The following OXR1 variants were observed in gnomAD, a reference collection of about 807,000 sequenced individuals.
OXR1 encodes the protein oxidation resistance 1.
OXR1 carries 41 observed loss-of-function variants against 104.6 expected under a neutral mutation model. That is an observed-to-expected ratio of 0.39 (90% CI 0.31 to 0.51). OXR1 has a LOEUF of 0.51. OXR1 is among the 20% of genes least tolerant of loss of function. OXR1 has a pLI of 0.77. For missense variants in OXR1, 955 were observed against 1,031.9 expected (o/e 0.93, Z 1.02); for synonymous variants, 348 against 348.4 (o/e 1.00, Z 0.01).
intron 12 of OXR1, 53 bp from the exon 13 acceptor site, chr8:106,739,405 T>C (rs1394268341): frequency 1.3e-6 from 2 of 1,520,312 alleles, no homozygotes; most frequent in Non-Finnish European, 1.8e-6. Context: ...CTGACAATTT[T>C]GAAAGCATGT....
chr8:106,338,644 G>T (rs1448532620), intron 1 of OXR1, among the ~76,000 whole-genome samples: 1 of 150,788 alleles, frequency 6.6e-6, no homozygotes, highest in Non-Finnish European at 1.5e-5. Flanking sequence ...CCACTGTTCT[G>T]CTATAGCCCA....
intron 7 of OXR1, among the ~76,000 whole-genome samples, chr8:106,694,794 A>C: frequency 8.9e-6 from 1 of 112,594 alleles, no homozygotes; most frequent in Admixed American, 1.0e-4. Context: ...TATTTAATAG[A>C]TAAATACATA....
At chr8:106,381,406 T>G (rs1817143840) in intron 2 of OXR1, among the ~76,000 whole-genome samples, 1 of 152,072 alleles carries the variant, frequency 6.6e-6, no homozygotes, top group Non-Finnish European at 1.5e-5. Context: ...TTGAAAGATT[T>G]GAGCATGTTT....
chr8:106,309,521 A>G (rs1226901643), intron 1 of OXR1, among the ~76,000 whole-genome samples: 4 of 152,102 alleles, frequency 2.6e-5, no homozygotes, highest in Non-Finnish European at 4.4e-5. Flanking sequence ...TAGCTTTCAT[A>G]TGAGTATTTG....
chr8:106,599,905 T>G (rs950877008), intron 3 of OXR1, among the ~76,000 whole-genome samples: 1 of 152,130 alleles, frequency 6.6e-6, no homozygotes, highest in African/African-American at 2.4e-5. Context: ...GGCATTAGAT[T>G]CTTATAAGAA....
At chr8:106,460,257 A>G (rs781192494) in intron 2 of OXR1, among the ~76,000 whole-genome samples, 10 of 152,192 alleles carry the variant, frequency 6.6e-5, no homozygotes, top group Non-Finnish European at 1.5e-4. Context: ...ATCTGTAAAG[A>G]CTTACATTAC....
At chr8:106,302,564 C>T (rs1189624361) in intron 1 of OXR1, among the ~76,000 whole-genome samples, 11 of 135,246 alleles carry the variant, frequency 8.1e-5, no homozygotes, top group Admixed American at 1.5e-4. Flanking sequence ...CCAGCCTGGG[C>T]GACAGAGCAA....
At position 106,643,085 on chromosome 8, in the gene OXR1, A is replaced by G. The variant is rs367575483; in HGVS notation, c.221-36125A>G. 3.9e-5 allele frequency among the ~76,000 whole-genome samples: 6 copies of G among 152,290 alleles called. No homozygotes were observed. The South Asian group carries it at 6.2e-4, about 16-fold the overall frequency. ...ATATTTTTATGAACAACCTTAACAG[A>G]GGCAAATTTATGGTTGACTCAGTAA... On this transcript the variant is annotated intron_variant, in intron 3 of 16. Transcript: ENST00000517566.
chr8:106,611,034 T>C (rs1468451010), intron 3 of OXR1, among the ~76,000 whole-genome samples: 1 of 152,160 alleles, frequency 6.6e-6, no homozygotes. Context: ...ACTTAGATTC[T>C]AATAGAGGTG....
chr8:106,746,761 G>A (rs1177341754), intron 16 of OXR1, among the ~76,000 whole-genome samples: 4 of 152,126 alleles, frequency 2.6e-5, no homozygotes, highest in East Asian at 3.9e-4. Flanking sequence ...GTTGAACTCA[G>A]CATGTATTTA....
At chr8:106,692,689 TCTG>T (rs775510292) in intron 6 of OXR1, 36 bp from the exon 7 acceptor site, 2 of 1,345,176 alleles carry the variant, frequency 1.5e-6, no homozygotes, top group Non-Finnish European at 2.0e-6. Context: ...TATTTTGTTT[TCTG>T]CTTTTTTTTT....
chr8:106,632,741 G>T (rs1160618913), intron 3 of OXR1, among the ~76,000 whole-genome samples: 1 of 152,080 alleles, frequency 6.6e-6, no homozygotes, highest in Non-Finnish European at 1.5e-5. Context: ...GCATATTCCA[G>T]CATGGGCAAC....
At chr8:106,449,103 A>G (rs183472555) in intron 2 of OXR1, among the ~76,000 whole-genome samples, 2 of 152,240 alleles carry the variant, frequency 1.3e-5, no homozygotes, top group East Asian at 3.9e-4. Flanking sequence ...CCAGAAAACA[A>G]CAATTATCTG....
intron 2 of OXR1, among the ~76,000 whole-genome samples, chr8:106,504,314 CTAAT>C (rs1812011687): frequency 6.6e-6 from 1 of 152,184 alleles, no homozygotes; most frequent in African/African-American, 2.4e-5. Context: ...AACTATAGTG[CTAAT>C]ATCAAGTTTG....
chr8:106,272,855 T>C (rs1811874617), intron 1 of OXR1: 1 of 152,200 alleles, frequency 6.6e-6, no homozygotes, highest in African/African-American at 2.4e-5. Flanking sequence ...ATTTTAGCCA[T>C]TCTGTTCTGC....
chr8:106,712,115 A>C (rs1022549520), intron 10 of OXR1, among the ~76,000 whole-genome samples: 1 of 152,114 alleles, frequency 6.6e-6, no homozygotes, highest in Non-Finnish European at 1.5e-5. Flanking sequence ...AGCTTTGTTC[A>C]TAGAAAAGTC....
intron 1 of OXR1, among the ~76,000 whole-genome samples, chr8:106,329,223 C>T (rs11995434): frequency 1.3e-5 from 2 of 151,486 alleles, no homozygotes; most frequent in Non-Finnish European, 2.9e-5. Flanking sequence ...AACTCCTGAC[C>T]TCAGGTGATC....
chr8:106,540,897 C>T (rs1234788237), intron 3 of OXR1, among the ~76,000 whole-genome samples: 1 of 152,196 alleles, frequency 6.6e-6, no homozygotes, highest in Non-Finnish European at 1.5e-5. Context: ...CAATCACCTC[C>T]CACCAAGTTC....
At chr8:106,446,342 G>A (rs1039701841) in intron 2 of OXR1, among the ~76,000 whole-genome samples, 2 of 152,118 alleles carry the variant, frequency 1.3e-5, no homozygotes, top group Non-Finnish European at 2.9e-5. Context: ...TTTTGAGGCC[G>A]GGTGCCGTGG....
Sources: gnomAD v4.1 joint callset for allele counts (sites outside exome capture counted in the v4.1 genomes callset) on GRCh38, gnomAD v4.1.1 for gene constraint, MANE v1.5 for transcripts, NCBI Gene and HGNC (gene_info 2026-07-23, HGNC 2026-07-21) for gene names.